The following GALNT13 variants were observed in gnomAD, a reference collection of about 807,000 sequenced individuals.
The protein encoded by GALNT13 is UDP-GalNAc:polypeptide N-acetylgalactosaminyltransferase 13.
GALNT13 carries 28 observed loss-of-function variants against 64.2 expected under a neutral mutation model. That is an observed-to-expected ratio of 0.44 (90% CI 0.32 to 0.60). The LOEUF (loss-of-function observed/expected upper bound fraction) is 0.60. GALNT13 is among the 20% of genes least tolerant of loss of function. The probability of loss-of-function intolerance (pLI) is 0.05; values close to 1 mark genes in which losing one functional copy is unlikely to be tolerated. For synonymous variants in GALNT13, 214 were observed against 224.6 expected (o/e 0.95, Z 0.42); for missense variants, 577 against 669.8 (o/e 0.86, Z 1.53).
chr2:154,184,073 T>A (rs1026231214), intron 4 of GALNT13, among the ~76,000 whole-genome samples: 26 of 151,716 alleles, frequency 1.7e-4, no homozygotes, highest in Admixed American at 3.3e-4. Context: ...ATTATTTGAA[T>A]TTATAAATTT....
intron 3 of GALNT13, among the ~76,000 whole-genome samples, chr2:154,024,115 G>T: frequency 7.5e-6 from 1 of 134,016 alleles, no homozygotes; most frequent in East Asian, 2.1e-4. Flanking sequence ...TTTCTCTCTG[G>T]CTGCCCTTAA....
chr2:154,273,432 G>A (rs1432680487), intron 8 of GALNT13, among the ~76,000 whole-genome samples: 3 of 152,176 alleles, frequency 2.0e-5, no homozygotes, highest in African/African-American at 4.8e-5. Flanking sequence ...AGAATTGGGA[G>A]GGTTAGGAGA....
the GALNT13 span, among the ~76,000 whole-genome samples, chr2:153,117,875 T>C: frequency 2.6e-5 from 4 of 152,274 alleles, no homozygotes; most frequent in African/African-American, 9.6e-5. Context: ...AATCATTTTC[T>C]TTCTTAAGCA....
At chr2:153,630,108 G>C in the GALNT13 span, among the ~76,000 whole-genome samples, 302 of 150,462 alleles carry the variant, frequency 2.0e-3, 1 homozygote, top group African/African-American at 6.8e-3. Flanking sequence ...CAGGGATCTA[G>C]AACTAGAAAT....
At chr2:153,184,993 G>A in the GALNT13 span, among the ~76,000 whole-genome samples, 1 of 152,168 alleles carries the variant, frequency 6.6e-6, no homozygotes, top group Non-Finnish European at 1.5e-5. Context: ...AGTTAAGGAA[G>A]AGTTACTCCT....
chr2:153,070,060 A>G, the GALNT13 span, among the ~76,000 whole-genome samples: 1 of 152,186 alleles, frequency 6.6e-6, no homozygotes, highest in Admixed American at 6.5e-5. Context: ...ATATCCCTCA[A>G]TAAGTGCCGT....
At chr2:153,449,517 T>C in the GALNT13 span, among the ~76,000 whole-genome samples, 2 of 152,210 alleles carry the variant, frequency 1.3e-5, no homozygotes, top group Non-Finnish European at 2.9e-5. Context: ...GAGATGGTAA[T>C]GGCTTCTTGC....
upstream of GALNT13, among the ~76,000 whole-genome samples, chr2:153,870,760 A>C (rs1358988918): frequency 6.6e-6 from 1 of 151,086 alleles, no homozygotes; most frequent in African/African-American, 2.4e-5. Flanking sequence ...TAATAGTATC[A>C]TATGTTTGTC....
At chr2:154,395,549 A>T (rs1272939662) in intron 9 of GALNT13, among the ~76,000 whole-genome samples, 1 of 152,152 alleles carries the variant, frequency 6.6e-6, no homozygotes, top group African/African-American at 2.4e-5. Flanking sequence ...TACGTGAATT[A>T]TTCTATATAA....
the GALNT13 span, among the ~76,000 whole-genome samples, chr2:153,574,399 G>T: frequency 6.6e-6 from 1 of 151,886 alleles, no homozygotes; most frequent in Non-Finnish European, 1.5e-5. Context: ...CTCTAGATTT[G>T]GGGAGTTCTC....
chr2:153,924,678 C>T lies in GALNT13; in HGVS notation c.-104-19716C>T, dbSNP rs1223647476. On this transcript the variant is annotated intron_variant, in intron 2 of 12. Transcript: ENST00000392825. ...TTGAACTAATTTATACTCTCACCAA[C>T]AGTATATAAGCGTCCCTTTTTCTCC... 2.0e-5 allele frequency among the ~76,000 whole-genome samples: 3 copies of T among 152,168 alleles called. No individual in the cohort carries two copies. The East Asian group carries it at 5.8e-4, about 29-fold the overall frequency.
At chr2:153,790,690 T>C in the GALNT13 span, among the ~76,000 whole-genome samples, 3 of 152,164 alleles carry the variant, frequency 2.0e-5, no homozygotes, top group Non-Finnish European at 4.4e-5. Context: ...CATGATTGTC[T>C]AACTAGAAAA....
chr2:154,104,323 T>C (rs1041816521), intron 3 of GALNT13, among the ~76,000 whole-genome samples: 2 of 152,148 alleles, frequency 1.3e-5, no homozygotes, highest in African/African-American at 4.8e-5. Flanking sequence ...TGCCCTCCGA[T>C]GCAAGGACAC....
At chr2:153,472,858 C>G in the GALNT13 span, among the ~76,000 whole-genome samples, 1 of 152,082 alleles carries the variant, frequency 6.6e-6, no homozygotes, top group Admixed American at 6.5e-5. Flanking sequence ...TGCAATGTGA[C>G]TGAGGAATAT....
chr2:153,712,639 A>G, the GALNT13 span, among the ~76,000 whole-genome samples: 1 of 152,176 alleles, frequency 6.6e-6, no homozygotes, highest in African/African-American at 2.4e-5. Flanking sequence ...AGGTGAGACT[A>G]GAAAAAAAGG....
intron 8 of GALNT13, among the ~76,000 whole-genome samples, chr2:154,280,200 A>G (rs931472822): frequency 6.6e-6 from 1 of 152,126 alleles, no homozygotes; most frequent in Non-Finnish European, 1.5e-5. Context: ...GAGACTGTTT[A>G]TTTATTTATT....
chr2:153,851,870 T>C, the GALNT13 span, among the ~76,000 whole-genome samples: 1 of 152,128 alleles, frequency 6.6e-6, no homozygotes, highest in Non-Finnish European at 1.5e-5. Context: ...GTTTACAGCA[T>C]TGAGGAAACA....
chr2:154,235,912 G>A, intron 4 of GALNT13: 1 of 268,268 alleles, frequency 3.7e-6, no homozygotes, highest in South Asian at 5.7e-5. Context: ...GCATAGCCTA[G>A]GGAAAAAGTG....
At chr2:154,088,711 C>T (rs976485794) in intron 3 of GALNT13, among the ~76,000 whole-genome samples, 2 of 152,112 alleles carry the variant, frequency 1.3e-5, no homozygotes, top group African/African-American at 4.8e-5. Context: ...CCTTGGCCTC[C>T]CAAAGTGCTG....
Sources: allele counts gnomAD v4.1 joint callset (sites outside exome capture counted in the v4.1 genomes callset), GRCh38; gene constraint gnomAD v4.1.1; transcripts MANE v1.5; gene names NCBI Gene and HGNC (gene_info 2026-07-23, HGNC 2026-07-21).